RAB39B: variants seen among roughly 807,000 people sequenced by gnomAD.
RAB39B encodes ras-related protein Rab-39B.
For missense variants in RAB39B, 68 were observed against 171.3 expected, an observed-to-expected ratio of 0.40 and a Z score of 3.37; for synonymous variants, 63 against 67.5, an observed-to-expected ratio of 0.93 and a Z score of 0.33.
intron 1 of RAB39B, among the ~76,000 whole-genome samples, chrX:155,262,839 C>A (rs1261272404): frequency 8.9e-6 from 1 of 112,050 alleles, no homozygotes; most frequent in Non-Finnish European, 1.9e-5. Context: ...ATAAAAGATA[C>A]CTTTCTTTGC....
rs2074847376 is a variant in RAB39B, at chrX:155,260,026, T to C, written c.*777A>G. 1 of 112,141 alleles carries C rather than the reference T, an allele frequency of 8.9e-6. No individual in the cohort carries two copies. Among genetic ancestry groups the C allele is most frequent in the South Asian group, 3.7e-4 (1 of 2,684 alleles). The allele number at this position is 112,141 out of a possible 1,213,427, so 9.2% of individuals were successfully genotyped here. A position where few individuals can be genotyped will look rare whatever the true frequency, so the allele number is the denominator to read the frequency against. On this transcript the variant is annotated 3_prime_UTR_variant, in exon 2 of 2. Coordinates refer to ENST00000369454, the MANE Select transcript of RAB39B (RefSeq NM_171998.4). Reference sequence around the variant, plus strand: ...AGACTGTTTACTTCCAGATTGCAGGTGCCAAGGCATTGAAACCCCAGGCAT... The same window carrying C: ...AGACTGTTTACTTCCAGATTGCAGGCGCCAAGGCATTGAAACCCCAGGCAT...
rs781800724 is a variant in RAB39B, at chrX:155,259,591, T to C, written c.*1212A>G. On this transcript the variant is annotated 3_prime_UTR_variant, in exon 2 of 2. Transcript: ENST00000369454. ...TTGTCAATAATGCCTGAATGGGCTT[T>C]ACCTTTGATTCCTTCCCATGTTCCC... 1 of 112,587 alleles carries C rather than the reference T, an allele frequency of 8.9e-6. No individual in the cohort carries two copies. Among genetic ancestry groups the C allele is most frequent in the Non-Finnish European group, 1.9e-5 (1 of 53,338 alleles). 9.3% of individuals were successfully genotyped at this position (112,587 alleles called of 1,213,427 possible). A position where few individuals can be genotyped will look rare whatever the true frequency, so the allele number is the denominator to read the frequency against.
chrX:155,260,727 T>C lies in RAB39B; in HGVS notation c.*76A>G. On this transcript the variant is annotated 3_prime_UTR_variant, in exon 2 of 2. Transcript: ENST00000369454. ...CAAATGGAGGTTGAGTTCTCATCAG[T>C]TACACAAAGATTCTATTTATTTCTC... The C allele has an allele frequency of 9.6e-7, 1 of 1,045,916 alleles. No individual in the cohort carries two copies. The highest frequency in any genetic ancestry group is 1.3e-6 in the Non-Finnish European group (1 of 746,174). 86.2% of individuals were successfully genotyped at this position (1,045,916 alleles called of 1,213,427 possible). A position where few individuals can be genotyped will look rare whatever the true frequency, so the allele number is the denominator to read the frequency against.
In RAB39B at chrX:155,264,064, G is replaced by A; in HGVS notation, c.215+10C>T. ...CTCCCACTGCTTGCGGGCCCGGACTGCGCTCCCACCTGAACCTCTCTTGAC... is the reference window on the plus strand; with the variant it reads ...CTCCCACTGCTTGCGGGCCCGGACTACGCTCCCACCTGAACCTCTCTTGAC... On this transcript the variant is annotated intron_variant, in intron 1 of 1. Transcript: ENST00000369454. 1.7e-6 allele frequency: 2 copies of A among 1,206,970 alleles called. No homozygotes were observed. The highest frequency in any genetic ancestry group is 2.5e-4 in the Middle Eastern group (1 of 3,978).
intron 1 of RAB39B, among the ~76,000 whole-genome samples, chrX:155,263,427 G>GT (rs782241418): frequency 8.9e-6 from 1 of 112,418 alleles, no homozygotes; most frequent in African/African-American, 3.2e-5. Context: ...ACACACTTTC[G>GT]TAATTGCTGA....
chrX:155,261,900 A>T lies in RAB39B; in HGVS notation c.216-671T>A, dbSNP rs782002592. Among the ~76,000 whole-genome samples the T allele has an allele frequency of 1.8e-3, 199 of 109,475 alleles. 1 individual carries two copies. The highest frequency in any genetic ancestry group is 6.3e-3 in the African/African-American group (189 of 30,074). On this transcript the variant is annotated intron_variant, in intron 1 of 1. Coordinates refer to ENST00000369454, the MANE Select transcript of RAB39B (RefSeq NM_171998.4). ...ATCCTCAATCTCTTCTGTGAGGAGA[A>T]ACACAATTTTATTTTTTATTTTCAA...
At position 155,262,280 on chromosome X, in the gene RAB39B, C is replaced by G. The variant is rs184049910; in HGVS notation, c.216-1051G>C. On this transcript the variant is annotated intron_variant, in intron 1 of 1. Transcript: ENST00000369454. ...CTTAGAGAAAATGGCTCAATGTTAG[C>G]AGAACAAGCATTGTCCAGGGACCTA... 1.3e-4 allele frequency among the ~76,000 whole-genome samples: 15 copies of G among 111,998 alleles called. No homozygotes were observed. In the East Asian group the frequency reaches 3.9e-3, roughly 29 times the overall value.
At position 155,261,059 on chromosome X, in the gene RAB39B, G is replaced by A. The variant is rs1557314226; in HGVS notation, c.386C>T (p.Thr129Ile). ...CTCGTGGCGAGTCACTTGCCTCTGT[G>A]TATCCAGGTCACACTTGTGACCCAC... The part of the protein sequence containing the change: ...VLVGHKCDLD[T>I]QRQVTRHEAE... The change falls in exon 2 of 2, where the codon ACA (threonine) becomes ATA (isoleucine). Residue 129 changes from threonine (T) to isoleucine (I), a missense_variant. Transcript: ENST00000369454. 1.7e-6 allele frequency: 2 copies of A among 1,211,647 alleles called. No homozygotes were observed. The highest frequency in any genetic ancestry group is 4.3e-5 in the Admixed American group (2 of 46,033).
Position 155,259,059 on chromosome X carries a change from T to G in RAB39B, c.*1744A>C, listed in dbSNP as rs1367692751. ...GTTTCTTTATTCTGGCTAAAGCAAA[T>G]TCCCAAAGTTTCAGATTCGGTCACA... On this transcript the variant is annotated 3_prime_UTR_variant, in exon 2 of 2. Transcript: ENST00000369454. 7.1e-5 allele frequency: 8 copies of G among 112,338 alleles called. No individual in the cohort carries two copies. The highest frequency in any genetic ancestry group is 1.3e-4 in the Non-Finnish European group (7 of 53,277). The allele number at this position is 112,338 out of a possible 1,213,427, so 9.3% of individuals were successfully genotyped here.
rs2074861087 is a variant in RAB39B at position 155,264,000 on chromosome X, A to G, written c.215+74T>C. On this transcript the variant is annotated intron_variant, in intron 1 of 1. Coordinates refer to ENST00000369454, the MANE Select transcript of RAB39B (RefSeq NM_171998.4). ...TCCTGGACCGCACCTAGAACCAGGA[A>G]GTCCTCTCTCCCCAGAGGCGGTGCA... The G allele has an allele frequency of 3.1e-6, 3 of 974,469 alleles. No individual in the cohort carries two copies. The Admixed American group carries it at 6.6e-5, about 21-fold the overall frequency. The allele number at this position is 974,469 out of a possible 1,213,427, so 80.3% of individuals were successfully genotyped here.
chrX:155,260,982 G>T lies in RAB39B; in HGVS notation c.463C>A (p.Arg155=). 8.3e-7 allele frequency: 1 copy of T among 1,211,327 alleles called. No homozygotes were observed. Among genetic ancestry groups the T allele is most frequent in the Non-Finnish European group, 1.1e-6 (1 of 895,347 alleles). The change falls in exon 2 of 2, where the codon CGA becomes AGA. Residue 155 remains arginine, a synonymous_variant. Transcript: ENST00000369454. Reference sequence around the variant, plus strand: ...GCTTTCTCCACATTAATGGCATCTCGGGCTGACGTTTCAATGTACTTCATG... The same window carrying T: ...GCTTTCTCCACATTAATGGCATCTCTGGCTGACGTTTCAATGTACTTCATG... The part of the protein sequence containing the change: ...YGMKYIETSA[R]DAINVEKAFT...
rs781832314 is a variant in RAB39B, at chrX:155,260,989, C to T, written c.456G>A (p.Thr152=). The T allele has an allele frequency of 4.1e-6, 5 of 1,209,814 alleles. No individual in the cohort carries two copies. The highest frequency in any genetic ancestry group is 4.4e-5 in the Admixed American group (2 of 45,748). ...CCACATTAATGGCATCTCGGGCTGA[C>T]GTTTCAATGTACTTCATGCCGTATG... ...AAAYGMKYIE[T]SARDAINVEK... is the part of the protein sequence containing the mutation. The change falls in exon 2 of 2, where the codon ACG becomes ACA. Residue 152 remains threonine, a synonymous_variant. Coordinates refer to ENST00000369454, the MANE Select transcript of RAB39B (RefSeq NM_171998.4).
At position 155,259,362 on chromosome X, in the gene RAB39B, T is replaced by C. The variant is rs1268288854; in HGVS notation, c.*1441A>G. 9.0e-6 allele frequency: 1 copy of C among 111,557 alleles called. No individual in the cohort carries two copies. Among genetic ancestry groups the C allele is most frequent in the African/African-American group, 3.3e-5 (1 of 30,649 alleles). The allele number at this position is 111,557 out of a possible 1,213,427, so 9.2% of individuals were successfully genotyped here. A position where few individuals can be genotyped will look rare whatever the true frequency, so the allele number is the denominator to read the frequency against. On this transcript the variant is annotated 3_prime_UTR_variant, in exon 2 of 2. Coordinates refer to ENST00000369454, the MANE Select transcript of RAB39B (RefSeq NM_171998.4). ...AGAATTAAGGGCTGACTCTCTTGGGTAGACAGGAACTCAGTGTACGTATAT... is the reference window on the plus strand; with the variant it reads ...AGAATTAAGGGCTGACTCTCTTGGGCAGACAGGAACTCAGTGTACGTATAT...
In RAB39B at chrX:155,264,064, G is replaced by C. The variant is rs1557314523; in HGVS notation, c.215+10C>G. On this transcript the variant is annotated intron_variant, in intron 1 of 1. Transcript: ENST00000369454. ...CTCCCACTGCTTGCGGGCCCGGACT[G>C]CGCTCCCACCTGAACCTCTCTTGAC... is the stretch of plus-strand genomic sequence containing the variant. 5.1e-5 allele frequency: 61 copies of C among 1,206,970 alleles called. No homozygotes were observed. Among genetic ancestry groups the C allele is most frequent in the Non-Finnish European group, 6.4e-5 (57 of 891,583 alleles).
In RAB39B at chrX:155,261,424, A is replaced by G. The variant is rs182579266; in HGVS notation, c.216-195T>C. 2.7e-5 allele frequency among the ~76,000 whole-genome samples: 3 copies of G among 111,511 alleles called. No individual in the cohort carries two copies. The Admixed American group carries it at 2.9e-4, about 11-fold the overall frequency. ...AATATGTGAGTTTCCAATTGGGCCA[A>G]ACTTTGAGATGGGCATCTTCTAGAA... On this transcript the variant is annotated intron_variant, in intron 1 of 1. Transcript: ENST00000369454.
Position 155,259,077 on chromosome X carries a change from C to G in RAB39B, c.*1726G>C, listed in dbSNP as rs933462543. ...AAGCAAATTCCCAAAGTTTCAGATT[C>G]GGTCACATTCATACTGAAGTTCAAT... On this transcript the variant is annotated 3_prime_UTR_variant, in exon 2 of 2. Coordinates refer to ENST00000369454, the MANE Select transcript of RAB39B (RefSeq NM_171998.4). The G allele has an allele frequency of 8.9e-6, 1 of 112,068 alleles. No individual in the cohort carries two copies. Among genetic ancestry groups the G allele is most frequent in the African/African-American group, 3.2e-5 (1 of 30,854 alleles). 9.2% of individuals were successfully genotyped at this position (112,068 alleles called of 1,213,427 possible).
rs115301020 is a variant in RAB39B, at chrX:155,259,223, G to A, written c.*1580C>T. 1.8e-5 allele frequency: 2 copies of A among 110,643 alleles called. No individual in the cohort carries two copies. Among genetic ancestry groups the A allele is most frequent in the African/African-American group, 6.6e-5 (2 of 30,273 alleles). 9.1% of individuals were successfully genotyped at this position (110,643 alleles called of 1,213,427 possible). A position where few individuals can be genotyped will look rare whatever the true frequency, so the allele number is the denominator to read the frequency against. ...TGAAAAGTATGGCTTTTGCCTAGCT[G>A]AACTGGCTACAATCCAAAAAGTAAT... On this transcript the variant is annotated 3_prime_UTR_variant, in exon 2 of 2. Transcript: ENST00000369454.
In RAB39B at chrX:155,259,056, A is replaced by G. The variant is rs1557313988; in HGVS notation, c.*1747T>C. The stretch of plus-strand genomic sequence containing the variant: ...TTGGTTTCTTTATTCTGGCTAAAGC[A>G]AATTCCCAAAGTTTCAGATTCGGTC... On this transcript the variant is annotated 3_prime_UTR_variant, in exon 2 of 2. Coordinates refer to ENST00000369454, the MANE Select transcript of RAB39B (RefSeq NM_171998.4). 2 of 112,416 alleles carry G rather than the reference A, an allele frequency of 1.8e-5. No individual in the cohort carries two copies. Among genetic ancestry groups the G allele is most frequent in the Non-Finnish European group, 3.8e-5 (2 of 53,290 alleles). The allele number at this position is 112,416 out of a possible 1,213,427, so 9.3% of individuals were successfully genotyped here.
chrX:155,262,105 C>T (rs1418831880), intron 1 of RAB39B, among the ~76,000 whole-genome samples: 2 of 111,638 alleles, frequency 1.8e-5, no homozygotes, highest in African/African-American at 3.3e-5. Flanking sequence ...TGGCACTTTG[C>T]TTACAGTGTA....
Sources: allele counts gnomAD v4.1 joint callset (sites outside exome capture counted in the v4.1 genomes callset), GRCh38; gene constraint gnomAD v4.1.1; transcripts MANE v1.5; gene names NCBI Gene and HGNC (gene_info 2026-07-23, HGNC 2026-07-21).